ZFPM2: variants seen among roughly 807,000 people sequenced by gnomAD.
The protein encoded by ZFPM2 is zinc finger protein ZFPM2.
ZFPM2 carries 20 observed loss-of-function variants against 98.6 expected under a neutral mutation model. That is an observed-to-expected ratio of 0.20 (90% CI 0.14 to 0.29). ZFPM2 has a LOEUF of 0.29. Ranked by LOEUF, ZFPM2 falls within the 10% of genes least tolerant of loss-of-function variation. ZFPM2 has a pLI of 1.00. For synonymous variants in ZFPM2, 518 were observed against 502.7 expected (o/e 1.03, Z -0.41); for missense variants, 1,310 against 1,388.6 (o/e 0.94, Z 0.90).
rs73304170 is a variant in ZFPM2 at position 105,519,830 on chromosome 8, C to G, written c.302-41533C>G. On this transcript the variant is annotated intron_variant, in intron 3 of 7. Transcript: ENST00000407775. ...TTTTTAATGTGTTCTCCAGAATTCA[C>G]TCAGGAATGTTTAGATGTGATTTTG... Among the ~76,000 whole-genome samples, 342 of 151,664 alleles carry G rather than the reference C, an allele frequency of 2.3e-3. 3 individuals carry two copies. The highest frequency in any genetic ancestry group is 7.8e-3 in the African/African-American group (324 of 41,330).
At chr8:105,372,510 AAAT>A (rs981870992) in intron 1 of ZFPM2, among the ~76,000 whole-genome samples, 13 of 152,282 alleles carry the variant, frequency 8.5e-5, no homozygotes, top group South Asian at 2.1e-4. Flanking sequence ...CTAACAAGTA[AAAT>A]AATAATAATA....
At chr8:105,642,952 T>C (rs28680465) in intron 5 of ZFPM2, among the ~76,000 whole-genome samples, 30,755 of 152,034 alleles carry the variant, frequency 0.2, 3,162 homozygotes, top group South Asian at 0.25. Context: ...CTGTTCAGTT[T>C]AGTTAAAGTT....
chr8:105,664,530 C>T (rs1817454854), intron 5 of ZFPM2, among the ~76,000 whole-genome samples: 3 of 152,100 alleles, frequency 2.0e-5, no homozygotes, highest in African/African-American at 7.2e-5. Context: ...GATGGGGTTT[C>T]TTCATGTTGA....
At chr8:105,767,736 G>T (rs1812886823) in intron 5 of ZFPM2, among the ~76,000 whole-genome samples, 1 of 151,814 alleles carries the variant, frequency 6.6e-6, no homozygotes, top group Admixed American at 6.6e-5. Flanking sequence ...CCAGATGAGA[G>T]ACTAAGAGAG....
At chr8:105,501,139 A>T (rs1237299433) in intron 3 of ZFPM2, among the ~76,000 whole-genome samples, 1 of 151,770 alleles carries the variant, frequency 6.6e-6, no homozygotes, top group Non-Finnish European at 1.5e-5. Flanking sequence ...TCTGGTAAGA[A>T]CATGTTTTGA....
At chr8:105,513,581 C>T (rs1015134119) in intron 3 of ZFPM2, among the ~76,000 whole-genome samples, 21 of 152,202 alleles carry the variant, frequency 1.4e-4, no homozygotes, top group African/African-American at 4.6e-4. Flanking sequence ...ACATCTACTC[C>T]AGACAGAATC....
intron 5 of ZFPM2, among the ~76,000 whole-genome samples, chr8:105,638,040 G>T (rs542674379): frequency 2.7e-4 from 41 of 151,984 alleles, no homozygotes; most frequent in Admixed American, 2.6e-3. Flanking sequence ...GTCAGGAACT[G>T]CTTGATTCAG....
At chr8:105,750,390 A>T (rs895100965) in intron 5 of ZFPM2, among the ~76,000 whole-genome samples, 20 of 152,216 alleles carry the variant, frequency 1.3e-4, no homozygotes, top group African/African-American at 3.8e-4. Flanking sequence ...ATTATTTTTT[A>T]AAAAATCCTT....
At chr8:105,799,859 T>A (rs1183922592) in intron 7 of ZFPM2, among the ~76,000 whole-genome samples, 2 of 152,162 alleles carry the variant, frequency 1.3e-5, no homozygotes, top group African/African-American at 4.8e-5. Context: ...GAAACACATG[T>A]TGAGTTTTAA....
chr8:105,399,535 A>G (rs1337006835), intron 1 of ZFPM2, among the ~76,000 whole-genome samples: 1 of 152,190 alleles, frequency 6.6e-6, no homozygotes, highest in Non-Finnish European at 1.5e-5. Context: ...TTCCAACTAG[A>G]TACAACTTCC....
intron 1 of ZFPM2, among the ~76,000 whole-genome samples, chr8:105,327,140 G>A (rs1258977105): frequency 6.6e-6 from 1 of 151,274 alleles, no homozygotes; most frequent in Non-Finnish European, 1.5e-5. Flanking sequence ...CTCTTATTGA[G>A]AGAGAAAAAA....
intron 1 of ZFPM2, among the ~76,000 whole-genome samples, chr8:105,358,049 CT>C (rs1812781180): frequency 6.6e-6 from 1 of 152,168 alleles, no homozygotes; most frequent in Non-Finnish European, 1.5e-5. Context: ...CTGTTCTTTA[CT>C]TTCACTTCAA....
intron 1 of ZFPM2, among the ~76,000 whole-genome samples, chr8:105,401,722 C>T (rs1031767202): frequency 3.3e-5 from 5 of 152,082 alleles, no homozygotes; most frequent in Non-Finnish European, 5.9e-5. Flanking sequence ...AACCATATCA[C>T]TTACACTTTT....
At chr8:105,424,909 A>G (rs1811876382) in intron 2 of ZFPM2, among the ~76,000 whole-genome samples, 1 of 152,330 alleles carries the variant, frequency 6.6e-6, no homozygotes, top group Non-Finnish European at 1.5e-5. Context: ...ATAGAGGATC[A>G]TGAGGAAAAA....
intron 1 of ZFPM2, among the ~76,000 whole-genome samples, chr8:105,349,428 A>G (rs1166406799): frequency 1.3e-5 from 2 of 152,270 alleles, no homozygotes; most frequent in East Asian, 1.9e-4. Flanking sequence ...GCTCTTAGGT[A>G]TCCTTGTACA....
At chr8:105,651,746 A>G (rs991646427) in intron 5 of ZFPM2, among the ~76,000 whole-genome samples, 5 of 152,142 alleles carry the variant, frequency 3.3e-5, no homozygotes, top group South Asian at 4.1e-4. Context: ...CGCACAGTAT[A>G]CACCCACTGA....
chr8:105,419,391 T>C (rs1326004944), intron 2 of ZFPM2, 89 bp downstream of exon 2: 4 of 1,454,078 alleles, frequency 2.8e-6, no homozygotes, highest in Non-Finnish European at 3.7e-6. Context: ...CTCAGAGTGC[T>C]GACACATAAT....
intron 2 of ZFPM2, among the ~76,000 whole-genome samples, chr8:105,439,527 C>G (rs1812194308): frequency 6.6e-6 from 1 of 152,080 alleles, no homozygotes; most frequent in Non-Finnish European, 1.5e-5. Flanking sequence ...AATCTGCCAC[C>G]CCTGTGATGT....
rs200661786 is a variant in ZFPM2 at position 105,394,670 on chromosome 8, CGA to C, written c.41-24472_41-24471del. ...AAACTGAAATGTGCATGAGCGGCTT[CGA>C]GTGTGGGCTCTGGCCACGGAATTCC... is the stretch of plus-strand genomic sequence containing the variant. On this transcript the variant is annotated intron_variant, in intron 1 of 7. Coordinates refer to ENST00000407775, the MANE Select transcript of ZFPM2 (RefSeq NM_012082.4). 3.3e-5 allele frequency among the ~76,000 whole-genome samples: 5 copies of C among 152,292 alleles called. No homozygotes were observed. In the East Asian group the frequency reaches 9.7e-4, roughly 29 times the overall value.
Sources: allele counts gnomAD v4.1 joint callset (sites outside exome capture counted in the v4.1 genomes callset), GRCh38; gene constraint gnomAD v4.1.1; transcripts MANE v1.5; gene names NCBI Gene and HGNC (gene_info 2026-07-23, HGNC 2026-07-21).